The following TF variants were observed in gnomAD, a reference collection of about 807,000 sequenced individuals.
TF encodes the protein transferrin, also known as serotransferrin.
TF carries 55 observed loss-of-function variants against 82.4 expected under a neutral mutation model. The ratio of observed to expected loss-of-function variants is 0.67; its 90% CI spans 0.54 to 0.84. TF has a LOEUF of 0.84. TF is among the 40% of genes least tolerant of loss of function. The pLI, the probability that TF is intolerant of heterozygous loss-of-function variation, is 0.00. For synonymous variants in TF, 332 were observed against 332.6 expected (o/e 1.00, Z 0.02); for missense variants, 737 against 868.4 (o/e 0.85, Z 1.90).
the TF span, among the ~76,000 whole-genome samples, chr3:133,663,990 T>C: frequency 6.6e-6 from 1 of 152,216 alleles, no homozygotes; most frequent in South Asian, 2.1e-4. Flanking sequence ...AGGGTCTGTC[T>C]CTAGTATCTA....
the TF span, among the ~76,000 whole-genome samples, chr3:133,689,115 C>T: frequency 6.6e-6 from 1 of 152,088 alleles, no homozygotes; most frequent in East Asian, 1.9e-4. Flanking sequence ...CACTTGAGGT[C>T]AGGCGCTCAA....
Position 133,792,800 on chromosome 3 carries a change from A to G in TF, c.*14180A>G, listed in dbSNP as rs1934873187. 1 of 152,200 alleles carries G rather than the reference A, an allele frequency of 6.6e-6. No individual in the cohort carries two copies. The highest frequency in any genetic ancestry group is 2.1e-4 in the South Asian group (1 of 4,834). The allele number at this position is 152,200 out of a possible 1,614,324, so 9.4% of individuals were successfully genotyped here. A position where few individuals can be genotyped will look rare whatever the true frequency, so the allele number is the denominator to read the frequency against. ...AGTTTGAATGAGTTGTGGAAGATTTATAAAAATTAATATTGTAAAAAATTA... is the reference window on the plus strand; with the variant it reads ...AGTTTGAATGAGTTGTGGAAGATTTGTAAAAATTAATATTGTAAAAAATTA... On this transcript the variant is annotated 3_prime_UTR_variant, in exon 17 of 17. Transcript: ENST00000402696.
chr3:133,770,724 T>C, intron 14 of TF, 152 bp downstream of exon 14: 1 of 949,134 alleles, frequency 1.1e-6, no homozygotes, highest in Non-Finnish European at 1.7e-6. Context: ...AAGAGAGACA[T>C]GTTCACCTGA....
chr3:133,771,539 C>A (rs1359794357), intron 14 of TF, among the ~76,000 whole-genome samples: 4 of 151,692 alleles, frequency 2.6e-5, no homozygotes, highest in African/African-American at 9.7e-5. Flanking sequence ...AGATCGAGAC[C>A]ATCCTGGCCA....
chr3:133,662,566 T>TG, the TF span, among the ~76,000 whole-genome samples: 1 of 152,188 alleles, frequency 6.6e-6, no homozygotes, highest in Non-Finnish European at 1.5e-5. Context: ...TCCCCTTCAG[T>TG]GGACATCGCC....
chr3:133,691,216 T>C, the TF span, among the ~76,000 whole-genome samples: 1 of 152,144 alleles, frequency 6.6e-6, no homozygotes, highest in African/African-American at 2.4e-5. Context: ...GTGAAGTTGC[T>C]TGCTTCTTGA....
At chr3:133,732,503 A>C in the TF span, among the ~76,000 whole-genome samples, 1 of 152,234 alleles carries the variant, frequency 6.6e-6, no homozygotes, top group Non-Finnish European at 1.5e-5. Flanking sequence ...CACCAGAGCC[A>C]ACAGCGGCAA....
chr3:133,753,613 G>A lies in TF; in HGVS notation c.235G>A (p.Val79Met). 6.2e-7 allele frequency: 1 copy of A among 1,614,204 alleles called. No individual in the cohort carries two copies. The highest frequency in any genetic ancestry group is 8.5e-7 in the Non-Finnish European group (1 of 1,180,026). ...RAIAANEADA[V>M]TLDAGLVYDA... ...CTTTCAGGCAAACGAAGCGGATGCT[G>A]TGACACTGGATGCAGGTTTGGTGTA... Residue 79 changes from valine to methionine, a missense_variant, in exon 3 of 17, where the codon GTG (valine) becomes ATG (methionine). By Grantham distance (21) the Val-to-Met change is conservative. Transcript: ENST00000402696.
At chr3:133,681,942 G>C in the TF span, among the ~76,000 whole-genome samples, 19 of 152,200 alleles carry the variant, frequency 1.2e-4, no homozygotes, top group Admixed American at 1.2e-3. Flanking sequence ...TAACTGGGAG[G>C]CACCTCCCAG....
At chr3:133,709,087 T>A in the TF span, among the ~76,000 whole-genome samples, 1 of 152,152 alleles carries the variant, frequency 6.6e-6, no homozygotes, top group Non-Finnish European at 1.5e-5. Context: ...GAAGCCAGAA[T>A]TGATAGTGGC....
the TF span, among the ~76,000 whole-genome samples, chr3:133,733,874 A>AAC: frequency 0.58 from 87,494 of 151,140 alleles, 25,659 homozygotes; most frequent in East Asian, 0.76. Context: ...AAACAAAAAA[A>AAC]AAAAAAACAT....
At chr3:133,708,979 G>A in the TF span, among the ~76,000 whole-genome samples, 2 of 152,106 alleles carry the variant, frequency 1.3e-5, no homozygotes, top group African/African-American at 2.4e-5. Context: ...CCCACCCATA[G>A]TGAAAGAGAG....
chr3:133,677,511 C>T, the TF span, among the ~76,000 whole-genome samples: 3 of 152,028 alleles, frequency 2.0e-5, no homozygotes, highest in Non-Finnish European at 4.4e-5. Flanking sequence ...GTGGTGGGCG[C>T]CTGCGATCCC....
chr3:133,742,498 G>T (rs993676796), upstream of TF, among the ~76,000 whole-genome samples: 1 of 152,118 alleles, frequency 6.6e-6, no homozygotes, highest in African/African-American at 2.4e-5. Context: ...GTGAGCAGTG[G>T]TGTCATGTGG....
intron 2 of TF, 68 bp from the exon 3 acceptor site, chr3:133,753,527 T>C (rs1284718284): frequency 2.2e-6 from 3 of 1,386,960 alleles, no homozygotes; most frequent in Non-Finnish European, 2.1e-6. Context: ...ACTCTCTACT[T>C]GTGTGGGTTG....
rs1934794501 is a variant in TF at position 133,790,058 on chromosome 3, A to G, written c.*11438A>G. The G allele has an allele frequency of 6.6e-6, 1 of 152,130 alleles. No homozygotes were observed. The highest frequency in any genetic ancestry group is 2.1e-4 in the South Asian group (1 of 4,828). The allele number at this position is 152,130 out of a possible 1,614,324, so 9.4% of individuals were successfully genotyped here. ...AGGGAAATAACTGACTTTAAAAGAT[A>G]GTGTCTAACATTTCGGTTTACAGAG... is the stretch of plus-strand genomic sequence containing the variant. On this transcript the variant is annotated 3_prime_UTR_variant, in exon 17 of 17. Coordinates refer to ENST00000402696, the MANE Select transcript of TF (RefSeq NM_001063.4).
chr3:133,756,300 T>A lies in TF; in HGVS notation c.654T>A (p.Ala218=), dbSNP rs1311278877. The part of the protein sequence containing the change: ...SGAFKCLKDG[A]GDVAFVKHST... Reference sequence around the variant, plus strand: ...GACCCAGGTGTCTGAAGGATGGTGCTGGGGATGTGGCCTTTGTCAAGCACT... The same window carrying A: ...GACCCAGGTGTCTGAAGGATGGTGCAGGGGATGTGGCCTTTGTCAAGCACT... The change falls in exon 6 of 17, where the codon GCT becomes GCA. Residue 218 remains alanine, a synonymous_variant. Coordinates refer to ENST00000402696, the MANE Select transcript of TF (RefSeq NM_001063.4). 4 of 1,614,028 alleles carry A rather than the reference T, an allele frequency of 2.5e-6. No individual in the cohort carries two copies. Among genetic ancestry groups the A allele is most frequent in the Non-Finnish European group, 3.4e-6 (4 of 1,180,036 alleles).
chr3:133,771,349 TGAA>T (rs1934251617), intron 14 of TF, among the ~76,000 whole-genome samples: 1 of 152,122 alleles, frequency 6.6e-6, no homozygotes, highest in Non-Finnish European at 1.5e-5. Context: ...ATTAAACAAA[TGAA>T]GAAGGGAAAA....
rs1933929188 is a variant in TF, at chr3:133,759,480, T to C, written c.1203+151T>C. 6.4e-6 allele frequency: 6 copies of C among 943,736 alleles called. No homozygotes were observed. In the Admixed American group the frequency reaches 7.8e-5, roughly 12 times the overall value. 58.5% of individuals were successfully genotyped at this position (943,736 alleles called of 1,614,324 possible). A position where few individuals can be genotyped will look rare whatever the true frequency, so the allele number is the denominator to read the frequency against. On this transcript the variant is annotated intron_variant, in intron 9 of 16. Coordinates refer to ENST00000402696, the MANE Select transcript of TF (RefSeq NM_001063.4). ...TATGTGAGCACAGCCCCACCGGAGG[T>C]TCAGAATCTTTGAGCTTGTGGATCT...
Sources: allele counts gnomAD v4.1 joint callset (sites outside exome capture counted in the v4.1 genomes callset), GRCh38; gene constraint gnomAD v4.1.1; transcripts MANE v1.5; gene names NCBI Gene and HGNC (gene_info 2026-07-23, HGNC 2026-07-21).